Variants in MACROD2 observed in about 807,000 individuals in gnomAD.
MACROD2 encodes the protein ADP-ribose glycohydrolase MACROD2.
A neutral mutation model predicts 70.4 loss-of-function variants in MACROD2; 36 were observed. The ratio of observed to expected loss-of-function variants is 0.51; its 90% CI spans 0.39 to 0.68. MACROD2 has a LOEUF of 0.68. MACROD2 is among the 30% of genes least tolerant of loss of function. The probability of loss-of-function intolerance (pLI) is 0.00; values close to 1 mark genes in which losing one functional copy is unlikely to be tolerated. For synonymous variants in MACROD2, 172 were observed against 178.8 expected (o/e 0.96, Z 0.30); for missense variants, 496 against 538.4 (o/e 0.92, Z 0.78).
chr20:14,454,268 T>C (rs1465882200), intron 3 of MACROD2, among the ~76,000 whole-genome samples: 2 of 152,152 alleles, frequency 1.3e-5, no homozygotes, highest in East Asian at 3.8e-4. Context: ...TTCTCAGTGG[T>C]TTTCTTATTG....
intron 5 of MACROD2, among the ~76,000 whole-genome samples, chr20:14,816,542 C>T (rs2072775973): frequency 6.6e-6 from 1 of 151,990 alleles, no homozygotes; most frequent in African/African-American, 2.4e-5. Flanking sequence ...ATAAATTGAT[C>T]ACATTTCCTC....
intron 6 of MACROD2, among the ~76,000 whole-genome samples, chr20:15,398,301 T>TA (rs2045886173): frequency 6.6e-6 from 1 of 152,240 alleles, no homozygotes; most frequent in African/African-American, 2.4e-5. Flanking sequence ...CTTGATTTTT[T>TA]ATAGAAGAAA....
At chr20:15,305,689 G>A (rs1247058776) in intron 6 of MACROD2, among the ~76,000 whole-genome samples, 1 of 152,066 alleles carries the variant, frequency 6.6e-6, no homozygotes, top group Admixed American at 6.6e-5. Context: ...ACACATGTGT[G>A]TATAGAGACT....
chr20:15,259,937 A>G (rs977844364), intron 6 of MACROD2, among the ~76,000 whole-genome samples: 8 of 151,936 alleles, frequency 5.3e-5, no homozygotes, highest in Admixed American at 5.3e-4. Flanking sequence ...AATAGAATGA[A>G]ATGGAACAGA....
chr20:14,218,190 G>T (rs374067416), intron 3 of MACROD2, among the ~76,000 whole-genome samples: 2 of 152,156 alleles, frequency 1.3e-5, no homozygotes, highest in Admixed American at 6.5e-5. Flanking sequence ...AAATTTGGGA[G>T]CCCCAGTGTT....
At chr20:15,378,306 G>T (rs12480779) in intron 6 of MACROD2, among the ~76,000 whole-genome samples, 6,255 of 140,254 alleles carry the variant, frequency 0.045, 257 homozygotes, top group East Asian at 0.22. Context: ...AAAAAGGAAA[G>T]AAAGAAGGAA....
chr20:14,590,394 G>A (rs1045916943), intron 4 of MACROD2, among the ~76,000 whole-genome samples: 2 of 152,144 alleles, frequency 1.3e-5, no homozygotes, highest in Admixed American at 6.6e-5. Flanking sequence ...TGGGTTTAGA[G>A]GTTTGTGGGG....
intron 15 of MACROD2, among the ~76,000 whole-genome samples, chr20:16,003,880 A>G (rs1356174061): frequency 6.6e-6 from 1 of 152,184 alleles, no homozygotes; most frequent in Non-Finnish European, 1.5e-5. Flanking sequence ...CATGTTGGCC[A>G]GGCTGGTCTC....
intron 5 of MACROD2, among the ~76,000 whole-genome samples, chr20:15,017,311 G>T (rs1314848175): frequency 1.3e-5 from 2 of 152,182 alleles, no homozygotes; most frequent in African/African-American, 2.4e-5. Context: ...GCTCCAAAAT[G>T]ATCTCTTTTA....
intron 5 of MACROD2, among the ~76,000 whole-genome samples, chr20:15,206,851 C>G (rs1433446650): frequency 6.6e-6 from 1 of 150,524 alleles, no homozygotes; most frequent in African/African-American, 2.4e-5. Flanking sequence ...ATTCTCCTGC[C>G]TCAGCCTCCC....
intron 3 of MACROD2, among the ~76,000 whole-genome samples, chr20:14,154,044 C>T (rs1337555201): frequency 6.6e-6 from 1 of 152,182 alleles, no homozygotes; most frequent in Non-Finnish European, 1.5e-5. Flanking sequence ...AAGGAAAGTG[C>T]AGGCGTTTCC....
chr20:14,692,239 G>A (rs2071073446), intron 5 of MACROD2, among the ~76,000 whole-genome samples: 1 of 152,168 alleles, frequency 6.6e-6, no homozygotes, highest in South Asian at 2.1e-4. Context: ...GCTCAAGTGT[G>A]AGGGCCATTG....
chr20:14,379,775 C>T (rs1031380339), intron 3 of MACROD2, among the ~76,000 whole-genome samples: 1 of 151,980 alleles, frequency 6.6e-6, no homozygotes, highest in Non-Finnish European at 1.5e-5. Context: ...CAATGTTGTA[C>T]CATGTATCAA....
chr20:15,199,093 A>G (rs1455458402), intron 5 of MACROD2, among the ~76,000 whole-genome samples: 1 of 151,168 alleles, frequency 6.6e-6, no homozygotes, highest in Non-Finnish European at 1.5e-5. Flanking sequence ...ACTGTAGGCC[A>G]AGTGCAGTGG....
Position 15,937,560 on chromosome 20 carries a change from C to T in MACROD2, c.907+16C>T, listed in dbSNP as rs914159730. 5 of 1,608,660 alleles carry T rather than the reference C, an allele frequency of 3.1e-6. No individual in the cohort carries two copies. Among genetic ancestry groups the T allele is most frequent in the Non-Finnish European group, 4.3e-6 (5 of 1,175,414 alleles). On this transcript the variant is annotated intron_variant, in intron 12 of 17. Transcript: ENST00000684519. ...AAAGATGAAGGTATGAGGCTACTAA[C>T]TATATCTAATAATTGCAGACTCTTA...
intron 3 of MACROD2, among the ~76,000 whole-genome samples, chr20:14,411,383 C>G (rs999593460): frequency 3.9e-5 from 6 of 152,016 alleles, no homozygotes; most frequent in African/African-American, 1.4e-4. Context: ...GCTGAATTCC[C>G]TTAATGTTTT....
At chr20:14,867,239 T>A (rs1285313787) in intron 5 of MACROD2, among the ~76,000 whole-genome samples, 3 of 152,184 alleles carry the variant, frequency 2.0e-5, no homozygotes, top group African/African-American at 7.2e-5. Context: ...CATTATTTTC[T>A]TTGAGGGAGA....
intron 5 of MACROD2, among the ~76,000 whole-genome samples, chr20:15,024,779 C>T (rs534445834): frequency 3.3e-5 from 5 of 152,194 alleles, no homozygotes; most frequent in African/African-American, 9.6e-5. Context: ...AGAATTGGAA[C>T]AGACTATTGA....
At chr20:14,048,750 T>C (rs1435330946) in intron 2 of MACROD2, among the ~76,000 whole-genome samples, 2 of 152,168 alleles carry the variant, frequency 1.3e-5, no homozygotes, top group Admixed American at 1.3e-4. Flanking sequence ...ATGTTAAACA[T>C]TTGTGAACAA....
Sources: allele counts gnomAD v4.1 joint callset (sites outside exome capture counted in the v4.1 genomes callset), GRCh38; gene constraint gnomAD v4.1.1; transcripts MANE v1.5; gene names NCBI Gene and HGNC (gene_info 2026-07-23, HGNC 2026-07-21).